Variants in UBN2 observed in about 807,000 individuals in gnomAD.
The protein encoded by UBN2 is ubinuclein-2.
UBN2 carries 35 observed loss-of-function variants against 120.2 expected under a neutral mutation model. The observed-to-expected ratio is 0.29, with a 90% CI of 0.22 to 0.39. The LOEUF is 0.39. UBN2 is among the 10% of genes least tolerant of loss of function. The pLI, the probability that UBN2 is intolerant of heterozygous loss-of-function variation, is 1.00. For synonymous variants in UBN2, 661 were observed against 648.7 expected, an observed-to-expected ratio of 1.02 and a Z score of -0.29; for missense variants, 1,693 against 1,663.2, an observed-to-expected ratio of 1.02 and a Z score of -0.31.
intron 3 of UBN2, among the ~76,000 whole-genome samples, chr7:139,256,618 G>A (rs1796773863): frequency 6.6e-6 from 1 of 152,158 alleles, no homozygotes; most frequent in Non-Finnish European, 1.5e-5. Flanking sequence ...ACAAAACAAT[G>A]TAGGCAAAGA....
At chr7:139,286,360 G>T (rs994161469) in intron 15 of UBN2, among the ~76,000 whole-genome samples, 1 of 151,998 alleles carries the variant, frequency 6.6e-6, no homozygotes, top group African/African-American at 2.4e-5. Flanking sequence ...CACTGCGCCG[G>T]GCCTATATTT....
At chr7:139,326,811 T>G in the UBN2 span, among the ~76,000 whole-genome samples, 1 of 152,132 alleles carries the variant, frequency 6.6e-6, no homozygotes, top group Non-Finnish European at 1.5e-5. Flanking sequence ...GCAGCAGCTT[T>G]GGTGCAGGTG....
At chr7:139,264,907 C>A (rs527283694) in intron 6 of UBN2, among the ~76,000 whole-genome samples, 2 of 152,048 alleles carry the variant, frequency 1.3e-5, no homozygotes, top group African/African-American at 4.8e-5. Context: ...TTAATTAATA[C>A]ATATAAGATG....
intron 15 of UBN2, among the ~76,000 whole-genome samples, chr7:139,292,807 GTC>G (rs1437664013): frequency 6.6e-6 from 1 of 152,128 alleles, no homozygotes; most frequent in Non-Finnish European, 1.5e-5. Context: ...CCTTGGCCTC[GTC>G]TCTCTAAGCT....
chr7:139,248,327 A>G (rs958372659), intron 2 of UBN2, among the ~76,000 whole-genome samples: 11 of 152,284 alleles, frequency 7.2e-5, no homozygotes, highest in Admixed American at 1.3e-4. Flanking sequence ...GAGTATTGCA[A>G]AGTCTCATGG....
At chr7:139,292,641 A>G (rs916469714) in intron 15 of UBN2, among the ~76,000 whole-genome samples, 1 of 152,204 alleles carries the variant, frequency 6.6e-6, no homozygotes, top group Admixed American at 6.5e-5. Context: ...TTATAAAAAA[A>G]TAATAAGTTT....
chr7:139,325,502 C>T, the UBN2 span, among the ~76,000 whole-genome samples: 4 of 152,178 alleles, frequency 2.6e-5, no homozygotes, highest in South Asian at 8.3e-4. Context: ...CCCTTGACCT[C>T]AAGTGATCCA....
chr7:139,326,648 G>T, the UBN2 span, among the ~76,000 whole-genome samples: 1 of 152,186 alleles, frequency 6.6e-6, no homozygotes, highest in African/African-American at 2.4e-5. Context: ...TAAAATATTT[G>T]CTTTCCCAGG....
At chr7:139,233,716 T>G (rs182835895) in intron 1 of UBN2, among the ~76,000 whole-genome samples, 34 of 152,260 alleles carry the variant, frequency 2.2e-4, no homozygotes, top group African/African-American at 7.7e-4. Context: ...ACAAAGACCT[T>G]TATTATGTCT....
At chr7:139,245,239 C>A (rs1397473272) in intron 2 of UBN2, among the ~76,000 whole-genome samples, 1 of 151,854 alleles carries the variant, frequency 6.6e-6, no homozygotes, top group African/African-American at 2.4e-5. Context: ...CTCGCCCAGC[C>A]TACCACATTA....
intron 6 of UBN2, among the ~76,000 whole-genome samples, chr7:139,262,631 T>C (rs1192402878): frequency 6.6e-6 from 1 of 151,668 alleles, no homozygotes; most frequent in African/African-American, 2.4e-5. Flanking sequence ...GGAGAATTGC[T>C]TGAACCTGGG....
chr7:139,249,333 A>G (rs900832879), intron 2 of UBN2, among the ~76,000 whole-genome samples: 4 of 152,188 alleles, frequency 2.6e-5, no homozygotes, highest in African/African-American at 7.2e-5. Context: ...TCACTATGTA[A>G]TATAGACATA....
chr7:139,284,600 G>A (rs767936859), intron 15 of UBN2, 26 bp downstream of exon 15: 2 of 1,562,512 alleles, frequency 1.3e-6, no homozygotes, highest in South Asian at 1.2e-5. Context: ...ACGTCCATGT[G>A]ATAAACTATA....
In UBN2 at chr7:139,266,402, G is replaced by A. The variant is rs1358687519; in HGVS notation, c.1465G>A (p.Asp489Asn). The change falls in exon 7 of 18, where the codon GAC becomes AAC. Residue 489 changes from aspartate to asparagine, a missense_variant and splice_region_variant. Coordinates refer to ENST00000473989, the MANE Select transcript of UBN2 (RefSeq NM_173569.4). ...FTQDMNNILL[D>N]IELQLQELGP... ...ACAGGATATGAATAATATTCTTCTG[G>A]AGTAAGTAATTTTCTTTAAAAAAAA... 6.7e-7 allele frequency: 1 copy of A among 1,483,678 alleles called. No individual in the cohort carries two copies. Among genetic ancestry groups the A allele is most frequent in the Non-Finnish European group, 9.2e-7 (1 of 1,085,638 alleles). The allele number at this position is 1,483,678 out of a possible 1,614,324, so 91.9% of individuals were successfully genotyped here. A position where few individuals can be genotyped will look rare whatever the true frequency, so the allele number is the denominator to read the frequency against.
chr7:139,261,128 A>G, intron 5 of UBN2, 124 bp from the exon 6 acceptor site: 1 of 1,162,890 alleles, frequency 8.6e-7, no homozygotes, highest in South Asian at 1.7e-5. Context: ...TAAGTTAATA[A>G]GAAATTAAGA....
intron 13 of UBN2, among the ~76,000 whole-genome samples, chr7:139,281,228 T>G (rs1269725044): frequency 6.6e-6 from 1 of 152,216 alleles, no homozygotes; most frequent in Non-Finnish European, 1.5e-5. Context: ...TGTTTCCTTC[T>G]CTATGATTAA....
chr7:139,283,415 CA>C lies in UBN2; in HGVS notation c.2511del (p.Pro839GlnfsTer9). 1 of 1,614,096 alleles carries C rather than the reference CA, an allele frequency of 6.2e-7. No individual in the cohort carries two copies. The highest frequency in any genetic ancestry group is 8.5e-7 in the Non-Finnish European group (1 of 1,180,022). ...TCTTCAAGTCTTATTGCTGGTCACACAGGGCCAGTACCAAAGAAACCCCAGG... is the reference window on the plus strand; with the variant it reads ...TCTTCAAGTCTTATTGCTGGTCACACGGGCCAGTACCAAAGAAACCCCAGG... ...THSSSLIAGH[T>X]GPVPKKPQDL... On this transcript the variant is annotated frameshift_variant, in exon 15 of 18. Coordinates refer to ENST00000473989, the MANE Select transcript of UBN2 (RefSeq NM_173569.4). LOFTEE classifies it high-confidence loss of function.
chr7:139,282,095 ACT>A, intron 14 of UBN2, 40 bp downstream of exon 14: 1 of 1,589,810 alleles, frequency 6.3e-7, no homozygotes, highest in Non-Finnish European at 8.6e-7. Context: ...GTAATATAAC[ACT>A]CTAGGTTTGT....
intron 10 of UBN2, 102 bp downstream of exon 10, chr7:139,273,512 A>G (rs759737426): frequency 6.3e-6 from 5 of 795,816 alleles, no homozygotes; most frequent in Non-Finnish European, 9.3e-6. Flanking sequence ...GGAAGCAACC[A>G]AAGATTAGTG....
Sources: gnomAD v4.1 joint callset for allele counts (sites outside exome capture counted in the v4.1 genomes callset) on GRCh38, gnomAD v4.1.1 for gene constraint, MANE v1.5 for transcripts, NCBI Gene and HGNC (gene_info 2026-07-23, HGNC 2026-07-21) for gene names.